Variants in TPO observed in about 807,000 individuals in gnomAD.
TPO encodes the protein thyroid peroxidase.
In TPO, 78 loss-of-function variants were observed where a neutral mutation model predicts 96.9. The ratio of observed to expected loss-of-function variants is 0.81; its 90% CI spans 0.67 to 0.97. The LOEUF (loss-of-function observed/expected upper bound fraction) is 0.97, where lower values mean the gene tolerates loss of function less well. TPO is among the 50% of genes least tolerant of loss of function. TPO has a pLI of 0.00. For missense variants in TPO, 1,252 were observed against 1,274.8 expected, an observed-to-expected ratio of 0.98 and a Z score of 0.27; for synonymous variants, 547 against 538.0, an observed-to-expected ratio of 1.02 and a Z score of -0.23.
intron 1 of TPO, among the ~76,000 whole-genome samples, chr2:1,404,014 T>C (rs1662210701): frequency 6.6e-6 from 1 of 152,234 alleles, no homozygotes. Flanking sequence ...TTTGGATATA[T>C]GCAATCTTGC....
chr2:1,472,428 T>C (rs1669511179), intron 7 of TPO, among the ~76,000 whole-genome samples: 1 of 152,176 alleles, frequency 6.6e-6, no homozygotes, highest in Admixed American at 6.5e-5. Context: ...TGGCTACACC[T>C]AAAGAAGTCA....
chr2:1,537,044 T>G (rs560593811), intron 15 of TPO, among the ~76,000 whole-genome samples: 1 of 111,914 alleles, frequency 8.9e-6, no homozygotes, highest in African/African-American at 3.5e-5. Context: ...CCCCACTGTG[T>G]GCAACCTCCC....
intron 1 of TPO, among the ~76,000 whole-genome samples, chr2:1,399,746 C>T (rs1662136029): frequency 6.6e-6 from 1 of 152,200 alleles, no homozygotes. Context: ...CCCCATGTGG[C>T]CTCAATCTGC....
At chr2:1,486,587 A>G (rs1011460393) in intron 9 of TPO, among the ~76,000 whole-genome samples, 1 of 152,200 alleles carries the variant, frequency 6.6e-6, no homozygotes, top group African/African-American at 2.4e-5. Flanking sequence ...TTCTATAGTT[A>G]TGATCAGCAC....
chr2:1,463,838 G>T (rs1668660963), intron 7 of TPO, among the ~76,000 whole-genome samples: 1 of 152,168 alleles, frequency 6.6e-6, no homozygotes, highest in Admixed American at 6.5e-5. Context: ...GCACACCAAT[G>T]TGTATCTCTA....
chr2:1,389,466 C>T (rs1213805890), intron 1 of TPO, among the ~76,000 whole-genome samples: 3 of 152,146 alleles, frequency 2.0e-5, no homozygotes, highest in Non-Finnish European at 4.4e-5. Context: ...TGTGTCTGTG[C>T]TTAATTCCCT....
chr2:1,388,075 C>T (rs1210251434), intron 1 of TPO, among the ~76,000 whole-genome samples: 1 of 152,152 alleles, frequency 6.6e-6, no homozygotes, highest in Non-Finnish European at 1.5e-5. Flanking sequence ...CTGGAGGTTT[C>T]GTCTCAGAGG....
intron 14 of TPO, among the ~76,000 whole-genome samples, chr2:1,508,975 G>A (rs1673778332): frequency 6.6e-6 from 1 of 152,142 alleles, no homozygotes; most frequent in African/African-American, 2.4e-5. Context: ...TAATTGTGAT[G>A]TTAGGATGTC....
intron 14 of TPO, chr2:1,512,300 A>G (rs554468026): frequency 3.2e-4 from 216 of 671,918 alleles, no homozygotes; most frequent in Admixed American, 8.2e-4. Context: ...GCTGAAGCCA[A>G]ATGTGTCTCT....
intron 4 of TPO, among the ~76,000 whole-genome samples, chr2:1,435,816 T>C (rs1665511534): frequency 6.6e-6 from 1 of 152,174 alleles, no homozygotes; most frequent in Non-Finnish European, 1.5e-5. Flanking sequence ...TTTTTCTACA[T>C]TAGGGTTCGG....
At chr2:1,392,676 GTTA>G (rs1662021063) in intron 1 of TPO, among the ~76,000 whole-genome samples, 2 of 152,308 alleles carry the variant, frequency 1.3e-5, no homozygotes, top group East Asian at 3.9e-4. Context: ...TTCAGAGCCT[GTTA>G]TTGGTCTGTT....
At chr2:1,432,839 T>C (rs1665161371) in intron 3 of TPO, among the ~76,000 whole-genome samples, 2 of 151,472 alleles carry the variant, frequency 1.3e-5, no homozygotes, top group African/African-American at 4.9e-5. Flanking sequence ...AGGAGAGGCC[T>C]GCAGGTGAGG....
At position 1,414,498 on chromosome 2, in the gene TPO, T is replaced by C; in HGVS notation, c.90T>C (p.Leu30=). The change falls in exon 2 of 17, where the codon CTT becomes CTC. Residue 30 remains leucine, a synonymous_variant. Transcript: ENST00000329066. ...TCATCTCGAGAGGGAAAGAACTCCT[T>C]TGGGGTAAGTAGCAAACACATTGCG... ...FPFISRGKEL[L]WGKPEESRVS... is the part of the protein sequence containing the mutation. The C allele has an allele frequency of 6.2e-7, 1 of 1,613,872 alleles. No homozygotes were observed. The highest frequency in any genetic ancestry group is 8.5e-7 in the Non-Finnish European group (1 of 1,179,918).
intron 1 of TPO, among the ~76,000 whole-genome samples, chr2:1,402,593 C>T (rs1375198810): frequency 6.6e-6 from 1 of 152,060 alleles, no homozygotes; most frequent in African/African-American, 2.4e-5. Flanking sequence ...GGGGAGGCCT[C>T]ACAATCATGG....
intron 8 of TPO, among the ~76,000 whole-genome samples, chr2:1,480,358 T>A (rs957248999): frequency 1.3e-5 from 2 of 152,184 alleles, no homozygotes; most frequent in African/African-American, 4.8e-5. Context: ...TGCTGCGACT[T>A]CTAGCCGTAT....
intron 8 of TPO, among the ~76,000 whole-genome samples, chr2:1,479,402 A>G (rs1049640375): frequency 1.2e-4 from 19 of 152,226 alleles, no homozygotes; most frequent in African/African-American, 4.6e-4. Context: ...ATGAAGTAGA[A>G]TCTCAAAAAT....
chr2:1,394,387 C>A (rs1403731389), intron 1 of TPO, among the ~76,000 whole-genome samples: 2 of 152,222 alleles, frequency 1.3e-5, no homozygotes, highest in Non-Finnish European at 2.9e-5. Context: ...CTGCACTGAG[C>A]AGAAGCACCT....
chr2:1,479,785 T>C (rs1045283330), intron 8 of TPO, among the ~76,000 whole-genome samples: 1 of 132,936 alleles, frequency 7.5e-6, no homozygotes, highest in African/African-American at 2.7e-5. Context: ...TTCTTCTCCT[T>C]CTTCTTCTTT....
At position 1,542,675 on chromosome 2, in the gene TPO, T is replaced by G. The variant is rs756643981; in HGVS notation, c.*201T>G. On this transcript the variant is annotated 3_prime_UTR_variant, in exon 17 of 17. Transcript: ENST00000329066. ...TTTGTCTGGCCTTTTCTTGTAAACA[T>G]TGCCTGATTTGTTCCTTCTGGGGCT... The G allele has an allele frequency of 3.4e-6, 5 of 1,472,926 alleles. No individual in the cohort carries two copies. The East Asian group carries it at 1.2e-4, about 37-fold the overall frequency. The allele number at this position is 1,472,926 out of a possible 1,614,324, so 91.2% of individuals were successfully genotyped here.
Sources: gnomAD v4.1 joint callset for allele counts (sites outside exome capture counted in the v4.1 genomes callset) on GRCh38, gnomAD v4.1.1 for gene constraint, MANE v1.5 for transcripts, NCBI Gene and HGNC (gene_info 2026-07-23, HGNC 2026-07-21) for gene names.